The following SULT4A1 variants were observed in gnomAD, a reference collection of about 807,000 sequenced individuals.
SULT4A1 encodes the protein sulfotransferase family 4A member 1.
In SULT4A1, 11 loss-of-function variants were observed where a neutral mutation model predicts 35.2. The observed-to-expected ratio is 0.31, with a 90% confidence interval of 0.20 to 0.52. The LOEUF (loss-of-function observed/expected upper bound fraction) is 0.52. Ranked by LOEUF, SULT4A1 falls within the 20% of genes least tolerant of loss-of-function variation. The pLI is 0.97. For missense variants in SULT4A1, 271 were observed against 383.7 expected, an observed-to-expected ratio of 0.71 and a Z score of 2.45; for synonymous variants, 152 against 151.8, an observed-to-expected ratio of 1.00 and a Z score of -0.01.
intron 4 of SULT4A1, among the ~76,000 whole-genome samples, chr22:43,834,194 C>T (rs1353692296): frequency 6.6e-6 from 1 of 152,114 alleles, no homozygotes; most frequent in Admixed American, 6.5e-5. Flanking sequence ...CTCAGTAAAT[C>T]GAGGAACTCT....
Position 43,838,932 on chromosome 22 carries a change from G to C in SULT4A1, c.443C>G (p.Ser148Cys). The C allele has an allele frequency of 6.2e-7, 1 of 1,614,214 alleles. No individual in the cohort carries two copies. ...GCCTCGGTAGCTCATGGTCCGCAGA[G>C]AGCGGTGGAACTGATAATAAGACAC... ...LVVSYYQFHR[S>C]LRTMSYRGTF... Residue 148 changes from serine to cysteine, a missense_variant, in exon 4 of 7, where the codon TCT becomes TGT. Physicochemically the swap from Ser to Cys is moderately radical, Grantham distance 112. This residue lies in a region of SULT4A1 where 164 missense variants were observed against 254.1 expected (regional missense o/e 0.65). Coordinates refer to ENST00000330884, the MANE Select transcript of SULT4A1 (RefSeq NM_014351.4).
chr22:43,835,875 C>T (rs2063367374), intron 4 of SULT4A1, among the ~76,000 whole-genome samples: 1 of 152,190 alleles, frequency 6.6e-6, no homozygotes, highest in African/African-American at 2.4e-5. Context: ...GGAGCAAGTG[C>T]ACGGAGTCCC....
chr22:43,859,013 T>C (rs751193252), intron 1 of SULT4A1, among the ~76,000 whole-genome samples: 1 of 152,144 alleles, frequency 6.6e-6, no homozygotes, highest in Non-Finnish European at 1.5e-5. Flanking sequence ...CCCTGGCTTG[T>C]CAGTTAACTT....
chr22:43,842,300 C>T (rs778062005), intron 1 of SULT4A1, among the ~76,000 whole-genome samples: 1 of 152,134 alleles, frequency 6.6e-6, no homozygotes, highest in Non-Finnish European at 1.5e-5. Flanking sequence ...GGGGGAATGA[C>T]CCGCTAGCCA....
Position 43,852,335 on chromosome 22 carries a change from GT to G in SULT4A1, c.169+9878del, listed in dbSNP as rs889269629. On this transcript the variant is annotated intron_variant, in intron 1 of 6. Coordinates refer to ENST00000330884, the MANE Select transcript of SULT4A1 (RefSeq NM_014351.4). ...GGCACACACCACCACACCTGGCTAG[GT>G]TTTTTTTTGTTGTTTTTTTTTTGTA... Among the ~76,000 whole-genome samples the G allele has an allele frequency of 2.5e-4, 34 of 133,920 alleles. No individual in the cohort carries two copies. In the South Asian group the frequency reaches 4.8e-3, roughly 19 times the overall value. The allele number at this position is 133,920 out of a possible 152,430, so 87.9% of individuals were successfully genotyped here. A position where few individuals can be genotyped will look rare whatever the true frequency, so the allele number is the denominator to read the frequency against.
intron 1 of SULT4A1, among the ~76,000 whole-genome samples, chr22:43,861,452 G>C (rs2049467255): frequency 2.0e-5 from 3 of 152,168 alleles, no homozygotes; most frequent in African/African-American, 7.2e-5. Flanking sequence ...TCTGGAAACA[G>C]ACCAGCCTAG....
chr22:43,830,807 A>G (rs2063319970), intron 5 of SULT4A1, among the ~76,000 whole-genome samples: 1 of 152,204 alleles, frequency 6.6e-6, no homozygotes, highest in African/African-American at 2.4e-5. Flanking sequence ...TCTGGCAGGA[A>G]GCATTCCCTC....
chr22:43,858,768 C>T (rs760890760), intron 1 of SULT4A1, among the ~76,000 whole-genome samples: 3 of 152,138 alleles, frequency 2.0e-5, no homozygotes, highest in Non-Finnish European at 2.9e-5. Context: ...GATCTACACT[C>T]GGTGCTGCCA....
rs191486297 is a variant in SULT4A1 at position 43,838,833 on chromosome 22, C to T, written c.508+34G>A. 292 of 1,612,438 alleles carry T rather than the reference C, an allele frequency of 1.8e-4. 1 individual carries two copies. The African/African-American group carries it at 2.7e-3, about 15-fold the overall frequency. On this transcript the variant is annotated intron_variant, in intron 4 of 6. Transcript: ENST00000330884. ...GGCCGTCCACGACAACAGACGGCTC[C>T]GGTTCTAACATGCCGCCAGGCTGCA...
chr22:43,836,477 A>G (rs2063376607), intron 4 of SULT4A1, among the ~76,000 whole-genome samples: 1 of 142,206 alleles, frequency 7.0e-6, no homozygotes, highest in African/African-American at 2.7e-5. Context: ...TCCTGTCTAC[A>G]CAGCGTCCTC....
intron 5 of SULT4A1, among the ~76,000 whole-genome samples, chr22:43,829,938 A>G (rs2148277088): frequency 6.6e-6 from 1 of 152,352 alleles, no homozygotes; most frequent in South Asian, 2.1e-4. Flanking sequence ...AAAAAGTCCT[A>G]CAGTGAAAAG....
rs1292473551 is a variant in SULT4A1 at position 43,825,897 on chromosome 22, G to A, written c.*104C>T. 13 of 1,162,108 alleles carry A rather than the reference G, an allele frequency of 1.1e-5. No individual in the cohort carries two copies. The highest frequency in any genetic ancestry group is 2.1e-5 in the Admixed American group (1 of 47,770). 72.0% of individuals were successfully genotyped at this position (1,162,108 alleles called of 1,614,324 possible). A position where few individuals can be genotyped will look rare whatever the true frequency, so the allele number is the denominator to read the frequency against. The stretch of plus-strand genomic sequence containing the variant: ...CTTCCCTTCCCCCGCTGTTTCACAC[G>A]CTGCTTCCAGAGTTTGTCCAGCAAG... On this transcript the variant is annotated 3_prime_UTR_variant, in exon 7 of 7. Transcript: ENST00000330884.
chr22:43,856,796 C>T (rs560957349), intron 1 of SULT4A1, among the ~76,000 whole-genome samples: 8 of 152,262 alleles, frequency 5.3e-5, no homozygotes, highest in African/African-American at 1.4e-4. Context: ...ACCAACGAGG[C>T]GGGGTTAACT....
At position 43,841,885 on chromosome 22, in the gene SULT4A1, C is replaced by G; in HGVS notation, c.217G>C (p.Asp73His). The G allele has an allele frequency of 6.2e-7, 1 of 1,613,994 alleles. No individual in the cohort carries two copies. The change falls in exon 2 of 7, where the codon GAC becomes CAC. Residue 73 changes from aspartate (D) to histidine (H), a missense_variant. Asp to His is a moderately conservative substitution (Grantham distance 81, BLOSUM62 -1). This residue lies in a region of SULT4A1 where 164 missense variants were observed against 254.1 expected (regional missense o/e 0.65). Coordinates refer to ENST00000330884, the MANE Select transcript of SULT4A1 (RefSeq NM_014351.4). ...TTCATCAAGCCGATCTCATCGGGGT[C>G]AGCGCCCTGGCTCACCAAGTAGACC... is the stretch of plus-strand genomic sequence containing the variant. Reference protein sequence around the residue: ...EVVYLVSQGADPDEIGLMNID... With the variant: ...EVVYLVSQGAHPDEIGLMNID...
intron 1 of SULT4A1, among the ~76,000 whole-genome samples, chr22:43,846,983 T>C (rs2148296498): frequency 6.6e-6 from 1 of 152,266 alleles, no homozygotes; most frequent in East Asian, 1.9e-4. Context: ...CCACTTCAGT[T>C]CCACAAGTCC....
At chr22:43,842,018 A>G in intron 1 of SULT4A1, 86 bp from the exon 2 acceptor site, 23 of 1,508,100 alleles carry the variant, frequency 1.5e-5, no homozygotes, top group Non-Finnish European at 2.0e-5. Flanking sequence ...GCTGCCCAAG[A>G]AGGGGCTCAA....
intron 1 of SULT4A1, among the ~76,000 whole-genome samples, chr22:43,854,025 G>A (rs2285164): frequency 0.23 from 35,296 of 152,184 alleles, 4,769 homozygotes; most frequent in East Asian, 0.46. Flanking sequence ...TCTGGTGTGC[G>A]GCATTAAGGG....
chr22:43,837,681 C>T (rs542202169), intron 4 of SULT4A1, among the ~76,000 whole-genome samples: 4 of 152,296 alleles, frequency 2.6e-5, no homozygotes, highest in East Asian at 1.9e-4. Flanking sequence ...TTGAGGCCCT[C>T]GTGGGTTTTC....
At position 43,841,866 on chromosome 22, in the gene SULT4A1, A is replaced by G; in HGVS notation, c.236T>C (p.Leu79Ser). Reference sequence around the variant, plus strand: ...CGGGAGCTGCTCGTCGATGTTCATCAAGCCGATCTCATCGGGGTCAGCGCC... The same window carrying G: ...CGGGAGCTGCTCGTCGATGTTCATCGAGCCGATCTCATCGGGGTCAGCGCC... ...SQGADPDEIG[L>S]MNIDEQLPVL... Residue 79 changes from leucine (L) to serine (S), a missense_variant, in exon 2 of 7, where the codon TTG becomes TCG. Coordinates refer to ENST00000330884, the MANE Select transcript of SULT4A1 (RefSeq NM_014351.4). The G allele has an allele frequency of 6.2e-7, 1 of 1,614,032 alleles. No individual in the cohort carries two copies. The highest frequency in any genetic ancestry group is 8.5e-7 in the Non-Finnish European group (1 of 1,179,910).
Sources: allele counts gnomAD v4.1 joint callset (sites outside exome capture counted in the v4.1 genomes callset), GRCh38; gene constraint gnomAD v4.1.1; regional missense constraint gnomAD v4.1.1; transcripts MANE v1.5; gene names NCBI Gene and HGNC (gene_info 2026-07-23, HGNC 2026-07-21).